The following ENTREP1 variants were observed in gnomAD, a reference collection of about 807,000 sequenced individuals.
ENTREP1 encodes Friedreich ataxia region gene X123.
At chr9:69,337,689 A>G in the ENTREP1 span, among the ~76,000 whole-genome samples, 2 of 152,168 alleles carry the variant, frequency 1.3e-5, no homozygotes, top group African/African-American at 4.8e-5. Context: ...TAAACTTACC[A>G]TTTGAAGTGG....
the ENTREP1 span, among the ~76,000 whole-genome samples, chr9:69,336,538 A>T: frequency 1.5e-4 from 23 of 152,278 alleles, no homozygotes; most frequent in African/African-American, 2.9e-4. Context: ...ATAGAATTTT[A>T]AAAAAACTAC....
At chr9:69,353,526 C>T in the ENTREP1 span, among the ~76,000 whole-genome samples, 1 of 152,204 alleles carries the variant, frequency 6.6e-6, no homozygotes, top group African/African-American at 2.4e-5. Flanking sequence ...TCTTCTGCAT[C>T]ACCATAATAA....
chr9:69,363,466 A>T, the ENTREP1 span, among the ~76,000 whole-genome samples: 2 of 152,246 alleles, frequency 1.3e-5, no homozygotes, highest in African/African-American at 4.8e-5. Context: ...AGATGACACA[A>T]TACAATTAGA....
chr9:69,383,589 T>A, the ENTREP1 span: 8 of 1,612,144 alleles, frequency 5.0e-6, no homozygotes, highest in Non-Finnish European at 6.8e-6. Flanking sequence ...ACGTGGCCAG[T>A]CTGTAGAACG....
the ENTREP1 span, among the ~76,000 whole-genome samples, chr9:69,369,628 C>A: frequency 7.0e-6 from 1 of 143,110 alleles, no homozygotes; most frequent in Admixed American, 7.2e-5. Flanking sequence ...ACACAGTTTT[C>A]TAAAGTGGTT....
chr9:69,377,049 C>G, the ENTREP1 span, among the ~76,000 whole-genome samples: 2 of 152,268 alleles, frequency 1.3e-5, no homozygotes, highest in South Asian at 4.1e-4. Flanking sequence ...GCTCACTGCT[C>G]TCCTGGAAGG....
the ENTREP1 span, chr9:69,386,049 A>C: frequency 1.8e-6 from 2 of 1,127,476 alleles, no homozygotes; most frequent in African/African-American, 1.6e-5. Context: ...CCTGCAGTTT[A>C]AGTGGTCATT....
chr9:69,369,063 G>A, the ENTREP1 span, among the ~76,000 whole-genome samples: 3 of 152,150 alleles, frequency 2.0e-5, no homozygotes, highest in East Asian at 3.9e-4. Context: ...TCCCACTTAT[G>A]AGTGAGAACA....
the ENTREP1 span, among the ~76,000 whole-genome samples, chr9:69,374,322 G>A: frequency 6.6e-6 from 1 of 152,096 alleles, no homozygotes; most frequent in East Asian, 1.9e-4. Context: ...GCTGCTGTGA[G>A]CATTATTGTT....
At chr9:69,346,144 G>T in the ENTREP1 span, among the ~76,000 whole-genome samples, 1 of 151,096 alleles carries the variant, frequency 6.6e-6, no homozygotes, top group African/African-American at 2.4e-5. Context: ...CACCATGCCC[G>T]GCTAATTTAT....
At chr9:69,325,486 G>T in the ENTREP1 span, 13 of 940,384 alleles carry the variant, frequency 1.4e-5, no homozygotes, top group African/African-American at 2.2e-4. Flanking sequence ...CTCGCTGCGC[G>T]GCCACCGCTG....
chr9:69,353,122 G>C, the ENTREP1 span, among the ~76,000 whole-genome samples: 1 of 152,304 alleles, frequency 6.6e-6, no homozygotes, highest in African/African-American at 2.4e-5. Flanking sequence ...GGATGACAGA[G>C]TGACACCCTA....
the ENTREP1 span, chr9:69,325,093 G>A: frequency 1.0e-6 from 1 of 985,408 alleles, no homozygotes; most frequent in Non-Finnish European, 1.2e-6. Flanking sequence ...CCAGCGGGAG[G>A]CGGACCCGCC....
chr9:69,345,516 A>G, the ENTREP1 span, among the ~76,000 whole-genome samples: 2 of 152,246 alleles, frequency 1.3e-5, no homozygotes, highest in African/African-American at 4.8e-5. Context: ...CACCACAGTG[A>G]TATTTTATAA....
At chr9:69,377,423 G>A in the ENTREP1 span, 1 of 1,614,074 alleles carries the variant, frequency 6.2e-7, no homozygotes, top group South Asian at 1.1e-5. Flanking sequence ...CCGTCTGCTT[G>A]GTGGCCGCTG....
chr9:69,372,434 T>C, the ENTREP1 span, among the ~76,000 whole-genome samples: 1 of 152,202 alleles, frequency 6.6e-6, no homozygotes, highest in Non-Finnish European at 1.5e-5. Flanking sequence ...TAGGATAATA[T>C]GCTGTTTGTC....
the ENTREP1 span, among the ~76,000 whole-genome samples, chr9:69,349,184 C>CA: frequency 2.4e-3 from 208 of 85,254 alleles, 1 homozygote; most frequent in East Asian, 9.5e-3. Flanking sequence ...AACTCCATCT[C>CA]AAAAAAAAAA....
the ENTREP1 span, among the ~76,000 whole-genome samples, chr9:69,329,990 G>A: frequency 1.8e-4 from 11 of 59,578 alleles, no homozygotes; most frequent in Non-Finnish European, 3.6e-4. Context: ...TTCCACTGGG[G>A]TATGGGAGTT....
At chr9:69,338,749 G>A in the ENTREP1 span, among the ~76,000 whole-genome samples, 2 of 152,124 alleles carry the variant, frequency 1.3e-5, no homozygotes, top group African/African-American at 4.8e-5. Flanking sequence ...GAGTCTACAT[G>A]CTTATCATTT....
Sources: allele counts gnomAD v4.1 joint callset (sites outside exome capture counted in the v4.1 genomes callset), GRCh38; gene constraint gnomAD v4.1.1; transcripts MANE v1.5; gene names NCBI Gene and HGNC (gene_info 2026-07-23, HGNC 2026-07-21).